RSPRY1: variants seen among roughly 807,000 people sequenced by gnomAD.
RSPRY1 encodes RING finger and SPRY domain-containing protein 1.
A neutral mutation model predicts 73.1 loss-of-function variants in RSPRY1; 23 were observed. The observed-to-expected ratio is 0.31, with a 90% CI of 0.23 to 0.45. The LOEUF is 0.45. Among genes scored for constraint, RSPRY1 ranks in the 20% least tolerant of loss-of-function variants. RSPRY1 has a pLI of 1.00. For missense variants in RSPRY1, 448 were observed against 698.7 expected (o/e 0.64, Z 4.05); for synonymous variants, 226 against 251.4 (o/e 0.90, Z 0.95).
intron 9 of RSPRY1, 101 bp from the exon 10 acceptor site, chr16:57,221,170 AG>A: frequency 7.1e-7 from 1 of 1,402,270 alleles, no homozygotes; most frequent in Non-Finnish European, 9.8e-7. Context: ...GTCCACCAGA[AG>A]TTTTAATAAG....
At chr16:57,214,850 G>A (rs1217978692) in intron 6 of RSPRY1, among the ~76,000 whole-genome samples, 1 of 152,208 alleles carries the variant, frequency 6.6e-6, no homozygotes, top group Non-Finnish European at 1.5e-5. Context: ...CCAACATGGC[G>A]AAACCTGGTC....
intron 4 of RSPRY1, among the ~76,000 whole-genome samples, chr16:57,209,423 A>T (rs111236108): frequency 1.3e-4 from 19 of 151,368 alleles, no homozygotes; most frequent in African/African-American, 4.6e-4. Flanking sequence ...GAGTGCAATG[A>T]TGTGATCTTG....
chr16:57,206,046 G>A (rs558511728), intron 2 of RSPRY1, among the ~76,000 whole-genome samples: 30 of 152,082 alleles, frequency 2.0e-4, no homozygotes, highest in Non-Finnish European at 3.2e-4. Context: ...GAATACAAAC[G>A]AATTTTTAGA....
In RSPRY1 at chr16:57,231,282, G is replaced by T. The variant is rs1344760923; in HGVS notation, c.1492G>T (p.Ala498Ser). Residue 498 changes from alanine to serine, a missense_variant, in exon 13 of 15, where the codon GCC (alanine) becomes TCC (serine). Physicochemically the swap from Ala to Ser is moderately conservative, Grantham distance 99. Transcript: ENST00000394420. Reference protein sequence around the residue: ...SMKFSTFNDYAFLTAEEKIIL... With the variant: ...SMKFSTFNDYSFLTAEEKIIL... ...GAAATTTAGCACTTTTAATGACTAC[G>T]CCTTCCTAACAGCTGAAGAAAAAAT... The T allele has an allele frequency of 6.2e-7, 1 of 1,613,498 alleles. No individual in the cohort carries two copies. Among genetic ancestry groups the T allele is most frequent in the South Asian group, 1.1e-5 (1 of 91,052 alleles).
chr16:57,232,813 G>A (rs559129270), intron 13 of RSPRY1, among the ~76,000 whole-genome samples: 8 of 152,192 alleles, frequency 5.3e-5, no homozygotes, highest in Admixed American at 1.3e-4. Context: ...CCCAAAGTTC[G>A]TCTTGTCTTG....
In RSPRY1 at chr16:57,221,415, T is replaced by C. The variant is rs969061671; in HGVS notation, c.1161T>C (p.His387=). 2 of 1,613,246 alleles carry C rather than the reference T, an allele frequency of 1.2e-6. No individual in the cohort carries two copies. Among genetic ancestry groups the C allele is most frequent in the African/African-American group, 2.7e-5 (2 of 74,892 alleles). ...WATRDSKFLN[H]EGYGIGDDEY... is the part of the protein sequence containing the mutation. ...CTCGAGACAGCAAATTCCTCAATCA[T>C]GTGAGTACCCTAGAGAACTGTGAAA... The change falls in exon 10 of 15, where the codon CAT becomes CAC. Residue 387 remains histidine, a splice_region_variant and synonymous_variant. Transcript: ENST00000394420.
At chr16:57,208,635 AG>A (rs2074776814) in intron 3 of RSPRY1, among the ~76,000 whole-genome samples, 1 of 152,026 alleles carries the variant, frequency 6.6e-6, no homozygotes, top group East Asian at 1.9e-4. Flanking sequence ...CCTGGGCTCA[AG>A]GGATCCTCCT....
At chr16:57,233,381 T>C (rs888261562) in intron 13 of RSPRY1, among the ~76,000 whole-genome samples, 5 of 152,180 alleles carry the variant, frequency 3.3e-5, no homozygotes, top group Non-Finnish European at 1.5e-5. Flanking sequence ...TTAATTTTTA[T>C]TTTTTATTTT....
Position 57,204,778 on chromosome 16 carries a change from G to A in RSPRY1, c.120G>A (p.Met40Ile). 6.2e-7 allele frequency: 1 copy of A among 1,614,162 alleles called. No individual in the cohort carries two copies. Among genetic ancestry groups the A allele is most frequent in the Non-Finnish European group, 8.5e-7 (1 of 1,180,028 alleles). Residue 40 changes from methionine to isoleucine, a missense_variant, in exon 2 of 15, where the codon ATG becomes ATA. Coordinates refer to ENST00000394420, the MANE Select transcript of RSPRY1 (RefSeq NM_133368.3). ...GGACTGGAGGTGCCGCTACTACCAT[G>A]GGTAATTCCTGTATCTGCCGAGATG... ...FLGTGGAATT[M>I]GNSCICRDDS...
intron 1 of RSPRY1, among the ~76,000 whole-genome samples, chr16:57,189,589 TTTTC>T (rs1474783073): frequency 2.5e-4 from 28 of 111,056 alleles, no homozygotes; most frequent in Middle Eastern, 8.9e-3. Flanking sequence ...TTTTCTTTTC[TTTTC>T]TTTTTTTTTT....
intron 2 of RSPRY1, 177 bp downstream of exon 2, chr16:57,205,185 T>G: frequency 1.7e-6 from 1 of 580,838 alleles, no homozygotes; most frequent in Non-Finnish European, 3.1e-6. Flanking sequence ...ATTTGATGTT[T>G]TTGCTTGCTG....
rs188654116 is a variant in RSPRY1 at position 57,229,327 on chromosome 16, C to T, written c.1274-1384C>T. Among the ~76,000 whole-genome samples the T allele has an allele frequency of 3.6e-3, 554 of 152,264 alleles. 2 individuals carry two copies. The highest frequency in any genetic ancestry group is 0.012 in the African/African-American group (504 of 41,534). On this transcript the variant is annotated intron_variant, in intron 11 of 14. Coordinates refer to ENST00000394420, the MANE Select transcript of RSPRY1 (RefSeq NM_133368.3). ...CTTTCAAAACCAAAATTGGGCCAGA[C>T]GTGGTGGCTCATACTTTTAATCCCA...
intron 1 of RSPRY1, among the ~76,000 whole-genome samples, chr16:57,188,511 G>T (rs1437896292): frequency 6.8e-6 from 1 of 148,116 alleles, no homozygotes; most frequent in Non-Finnish European, 1.5e-5. Flanking sequence ...TGTGTTTTTG[G>T]TTTTTTTGTT....
intron 4 of RSPRY1, 75 bp downstream of exon 4, chr16:57,209,262 G>C: frequency 1.1e-6 from 1 of 945,190 alleles, no homozygotes; most frequent in Non-Finnish European, 1.7e-6. Flanking sequence ...AAGAACATTT[G>C]ATGTATTGTG....
intron 1 of RSPRY1, among the ~76,000 whole-genome samples, chr16:57,204,077 A>T (rs573291760): frequency 6.6e-6 from 1 of 152,214 alleles, no homozygotes; most frequent in Non-Finnish European, 1.5e-5. Flanking sequence ...CTATGGGTTT[A>T]AAGAAAGGAG....
intron 10 of RSPRY1, 146 bp from the exon 11 acceptor site, chr16:57,227,196 A>G (rs2075133083): frequency 1.7e-6 from 1 of 604,796 alleles, no homozygotes; most frequent in East Asian, 2.8e-5. Context: ...TCATAATTTT[A>G]GTATTTTCAA....
At chr16:57,192,808 C>T (rs2074373723) in intron 1 of RSPRY1, among the ~76,000 whole-genome samples, 3 of 151,034 alleles carry the variant, frequency 2.0e-5, no homozygotes, top group South Asian at 4.2e-4. Context: ...CCAGCTCAGG[C>T]GATCCTCCCA....
In RSPRY1 at chr16:57,216,160, G is replaced by A; in HGVS notation, c.756G>A (p.Lys252=). The change falls in exon 7 of 15, where the codon AAG becomes AAA. Residue 252 remains lysine (K), a synonymous_variant. Transcript: ENST00000394420. Reference sequence around the variant, plus strand: ...TTTTTGCACTTATCGCACTGGAAAAGTTTGCACAGACAAGTAGGTATAGTG... The same window carrying A: ...TTTTTGCACTTATCGCACTGGAAAAATTTGCACAGACAAGTAGGTATAGTG... The part of the protein sequence containing the change: ...VMLFALIALE[K]FAQTSENKLT... 6.2e-7 allele frequency: 1 copy of A among 1,610,632 alleles called. No individual in the cohort carries two copies. The highest frequency in any genetic ancestry group is 8.5e-7 in the Non-Finnish European group (1 of 1,178,136).
At chr16:57,203,097 G>A (rs1266397212) in intron 1 of RSPRY1, among the ~76,000 whole-genome samples, 8 of 151,952 alleles carry the variant, frequency 5.3e-5, no homozygotes, top group Admixed American at 5.2e-4. Flanking sequence ...CCTGAGGTCA[G>A]GAGTTTGTGG....
Sources: allele counts gnomAD v4.1 joint callset (sites outside exome capture counted in the v4.1 genomes callset), GRCh38; gene constraint gnomAD v4.1.1; transcripts MANE v1.5; gene names NCBI Gene and HGNC (gene_info 2026-07-23, HGNC 2026-07-21).